The following TRPC4 variants were observed in gnomAD, a reference collection of about 807,000 sequenced individuals.
TRPC4 encodes transient receptor potential cation channel subfamily C member 4.
TRPC4 carries 49 observed loss-of-function variants against 99.4 expected under a neutral mutation model. The ratio of observed to expected loss-of-function variants is 0.49; its 90% CI spans 0.39 to 0.63. The LOEUF (loss-of-function observed/expected upper bound fraction) is 0.63, where lower values mean the gene tolerates loss of function less well. TRPC4 is among the 20% of genes least tolerant of loss of function. The pLI is 0.00. For synonymous variants in TRPC4, 454 were observed against 425.9 expected (o/e 1.07, Z -0.81); for missense variants, 898 against 1,152.9 (o/e 0.78, Z 3.20).
intron 8 of TRPC4, among the ~76,000 whole-genome samples, chr13:37,642,248 C>T (rs1180577048): frequency 6.6e-6 from 1 of 152,064 alleles, no homozygotes; most frequent in African/African-American, 2.4e-5. Flanking sequence ...AACTTTTCGG[C>T]ATGACATTGA....
At chr13:37,824,665 T>A (rs1474981059) in intron 1 of TRPC4, among the ~76,000 whole-genome samples, 1 of 152,132 alleles carries the variant, frequency 6.6e-6, no homozygotes, top group Admixed American at 6.6e-5. Context: ...TGCTGCTGGA[T>A]TCGGTTTGCC....
chr13:37,743,831 T>C (rs1955663478), intron 3 of TRPC4, among the ~76,000 whole-genome samples: 1 of 152,176 alleles, frequency 6.6e-6, no homozygotes, highest in Non-Finnish European at 1.5e-5. Flanking sequence ...CATTCTGTTA[T>C]GAGGATATGG....
chr13:37,810,063 C>A (rs1957632421), intron 1 of TRPC4, among the ~76,000 whole-genome samples: 1 of 152,016 alleles, frequency 6.6e-6, no homozygotes, highest in African/African-American at 2.4e-5. Flanking sequence ...ACAATAGAAA[C>A]AAATCCAATT....
chr13:37,655,837 A>G (rs1001784831), intron 6 of TRPC4, among the ~76,000 whole-genome samples: 5 of 152,154 alleles, frequency 3.3e-5, no homozygotes, highest in Non-Finnish European at 5.9e-5. Flanking sequence ...AACATTTGTC[A>G]ATCTCTGTCC....
intron 1 of TRPC4, among the ~76,000 whole-genome samples, chr13:37,823,405 G>T (rs1337812539): frequency 1.4e-5 from 2 of 144,990 alleles, no homozygotes; most frequent in African/African-American, 5.0e-5. Flanking sequence ...ATGGTTTTAG[G>T]TCTAACGTTG....
At chr13:37,750,369 T>C (rs1021869849) in intron 2 of TRPC4, among the ~76,000 whole-genome samples, 2 of 152,160 alleles carry the variant, frequency 1.3e-5, no homozygotes, top group African/African-American at 4.8e-5. Flanking sequence ...ACAGTTTTCT[T>C]AAGCACTGAT....
chr13:37,823,091 A>G (rs1202027899), intron 1 of TRPC4, among the ~76,000 whole-genome samples: 2 of 150,720 alleles, frequency 1.3e-5, no homozygotes, highest in African/African-American at 4.9e-5. Flanking sequence ...GTCTGTTCAT[A>G]TCCTTCACCC....
chr13:37,802,990 CATTT>C (rs1449914494), intron 1 of TRPC4, among the ~76,000 whole-genome samples: 1 of 151,750 alleles, frequency 6.6e-6, no homozygotes, highest in Non-Finnish European at 1.5e-5. Context: ...TTATCCATAT[CATTT>C]ATTTATGTCA....
chr13:37,852,974 A>G (rs1385769620), intron 1 of TRPC4, among the ~76,000 whole-genome samples: 3 of 152,092 alleles, frequency 2.0e-5, no homozygotes, highest in Non-Finnish European at 2.9e-5. Context: ...AATTCCTAAG[A>G]CTTTTGACTC....
At chr13:37,868,710 G>C (rs1477909011) in intron 1 of TRPC4, among the ~76,000 whole-genome samples, 1 of 151,708 alleles carries the variant, frequency 6.6e-6, no homozygotes. Flanking sequence ...TACTCCTTAA[G>C]CAACTTGCTG....
chr13:37,867,562 T>C (rs531795345), intron 1 of TRPC4, among the ~76,000 whole-genome samples: 111 of 152,190 alleles, frequency 7.3e-4, no homozygotes, highest in South Asian at 1.5e-3. Flanking sequence ...AGCATTTGAC[T>C]AGATGATCAG....
intron 2 of TRPC4, among the ~76,000 whole-genome samples, chr13:37,755,336 A>G (rs58961409): frequency 2.4e-4 from 37 of 151,682 alleles, no homozygotes; most frequent in African/African-American, 8.9e-4. Context: ...ATGAACACCA[A>G]TCACCTCCTT....
At chr13:37,644,288 AC>A (rs1443100088) in intron 8 of TRPC4, among the ~76,000 whole-genome samples, 1 of 152,198 alleles carries the variant, frequency 6.6e-6, no homozygotes, top group Non-Finnish European at 1.5e-5. Flanking sequence ...ACTGGAAATG[AC>A]CGAGAACAGG....
chr13:37,682,416 T>C (rs941058739), intron 4 of TRPC4, among the ~76,000 whole-genome samples: 2 of 152,198 alleles, frequency 1.3e-5, no homozygotes, highest in African/African-American at 4.8e-5. Flanking sequence ...TGTTCAAAGA[T>C]AAATTTAAAG....
intron 1 of TRPC4, among the ~76,000 whole-genome samples, chr13:37,804,183 G>A (rs1957473590): frequency 6.6e-6 from 1 of 152,134 alleles, no homozygotes; most frequent in Non-Finnish European, 1.5e-5. Flanking sequence ...CGTAATGAAA[G>A]CTGACATTCC....
chr13:37,715,965 A>G (rs756444909), intron 3 of TRPC4, among the ~76,000 whole-genome samples: 5 of 152,010 alleles, frequency 3.3e-5, no homozygotes, highest in African/African-American at 7.3e-5. Context: ...TCAGTGCCCC[A>G]CTCCATTTTA....
In TRPC4 at chr13:37,700,267, G is replaced by A. The variant is rs1593540301; in HGVS notation, c.898-7932C>T. Among the ~76,000 whole-genome samples, 3 of 152,192 alleles carry A rather than the reference G, an allele frequency of 2.0e-5. No homozygotes were observed. In the South Asian group the frequency reaches 6.2e-4, roughly 32 times the overall value. ...TACAGTATTGAAGAAAGCACCATTT[G>A]ACTTTTGAATCATGTAGGTGAGTAA... On this transcript the variant is annotated intron_variant, in intron 3 of 10. Transcript: ENST00000379705.
intron 1 of TRPC4, among the ~76,000 whole-genome samples, chr13:37,827,391 T>C (rs2780352): frequency 0.58 from 88,016 of 151,998 alleles, 26,491 homozygotes; most frequent in African/African-American, 0.73. Context: ...GTTTTTTCCC[T>C]ATCTTGTGGT....
At chr13:37,805,520 T>C (rs762385009) in intron 1 of TRPC4, among the ~76,000 whole-genome samples, 2 of 152,010 alleles carry the variant, frequency 1.3e-5, no homozygotes, top group Non-Finnish European at 2.9e-5. Flanking sequence ...TGCTAACACA[T>C]AGAATGACTT....
Sources: gnomAD v4.1 joint callset for allele counts (sites outside exome capture counted in the v4.1 genomes callset) on GRCh38, gnomAD v4.1.1 for gene constraint, MANE v1.5 for transcripts, NCBI Gene and HGNC (gene_info 2026-07-23, HGNC 2026-07-21) for gene names.